Variants in CHST8 observed in about 807,000 individuals in gnomAD.
CHST8 encodes GALNAC-4-ST1.
In CHST8, 10 loss-of-function variants were observed where a neutral mutation model predicts 15.0. That is an observed-to-expected ratio of 0.67 (90% CI 0.41 to 1.13). CHST8 has a LOEUF of 1.13. CHST8 is among the 50% of genes most tolerant of loss of function. The probability of loss-of-function intolerance (pLI) is 0.00; values close to 1 mark genes in which losing one functional copy is unlikely to be tolerated. For synonymous variants in CHST8, 259 were observed against 256.6 expected (o/e 1.01, Z -0.09); for missense variants, 634 against 608.2 (o/e 1.04, Z -0.45).
chr19:33,765,513 T>TGTGTGTG (rs1974816215), intron 3 of CHST8, among the ~76,000 whole-genome samples: 4 of 131,608 alleles, frequency 3.0e-5, no homozygotes, highest in African/African-American at 1.2e-4. Context: ...ATGCCAGTCT[T>TGTGTGTG]TGTGTGTGTG....
intron 2 of CHST8, among the ~76,000 whole-genome samples, chr19:33,681,436 CAGGGATAACTGTTCCTTCCTAG>C (rs1287909147): frequency 6.6e-6 from 1 of 152,198 alleles, no homozygotes; most frequent in Non-Finnish European, 1.5e-5. Context: ...ATCCCAGGAA[CAGGGATAACTGTTCCTTCCTAG>C]AGTGTAGAAC....
chr19:33,723,043 G>A (rs765965946), intron 3 of CHST8, among the ~76,000 whole-genome samples: 1 of 152,188 alleles, frequency 6.6e-6, no homozygotes, highest in Non-Finnish European at 1.5e-5. Flanking sequence ...TCCACTTCCT[G>A]CAGAGCCCAG....
At chr19:33,644,881 A>G (rs1218808479) in intron 1 of CHST8, among the ~76,000 whole-genome samples, 2 of 152,178 alleles carry the variant, frequency 1.3e-5, no homozygotes, top group South Asian at 4.1e-4. Flanking sequence ...AGAAGGTGAG[A>G]TGAGATTAGA....
intron 3 of CHST8, among the ~76,000 whole-genome samples, chr19:33,766,446 C>G (rs1246841801): frequency 6.6e-6 from 1 of 152,198 alleles, no homozygotes; most frequent in Non-Finnish European, 1.5e-5. Context: ...CCATCTGTAG[C>G]TCAGCACTGC....
chr19:33,764,306 G>T (rs768852422), intron 3 of CHST8, among the ~76,000 whole-genome samples: 19 of 151,990 alleles, frequency 1.3e-4, no homozygotes, highest in Non-Finnish European at 2.2e-4. Context: ...CAGACGAGCT[G>T]TTTCTTCACC....
At chr19:33,679,884 C>T (rs865819450) in intron 2 of CHST8, among the ~76,000 whole-genome samples, 1 of 152,206 alleles carries the variant, frequency 6.6e-6, no homozygotes, top group Admixed American at 6.5e-5. Flanking sequence ...CTCAACTCCA[C>T]GAGGGGCTGC....
At chr19:33,687,263 G>A (rs1388284970) in intron 2 of CHST8, among the ~76,000 whole-genome samples, 1 of 152,266 alleles carries the variant, frequency 6.6e-6, no homozygotes, top group African/African-American at 2.4e-5. Context: ...TTGCAAGGCA[G>A]TGAACCCCAG....
chr19:33,738,495 A>G (rs1274538108), intron 3 of CHST8, among the ~76,000 whole-genome samples: 3 of 152,258 alleles, frequency 2.0e-5, no homozygotes, highest in Non-Finnish European at 4.4e-5. Flanking sequence ...TTGACTCTAA[A>G]TGAAGCAGAA....
At chr19:33,640,911 C>T (rs961467881) in intron 1 of CHST8, among the ~76,000 whole-genome samples, 3 of 152,100 alleles carry the variant, frequency 2.0e-5, no homozygotes, top group African/African-American at 4.8e-5. Context: ...AGGGGCGCCC[C>T]GGGATGGGAA....
At chr19:33,649,415 G>T (rs534234492) in intron 1 of CHST8, among the ~76,000 whole-genome samples, 31 of 152,092 alleles carry the variant, frequency 2.0e-4, no homozygotes, top group Non-Finnish European at 4.1e-4. Context: ...CTTAAGAAGG[G>T]GTTCACAACC....
At chr19:33,631,145 C>G (rs1972116475) in intron 1 of CHST8, among the ~76,000 whole-genome samples, 2 of 152,366 alleles carry the variant, frequency 1.3e-5, no homozygotes, top group South Asian at 4.1e-4. Flanking sequence ...TGTGATTCAG[C>G]AATCTGCCCA....
chr19:33,762,062 G>T (rs1042136094), intron 3 of CHST8, among the ~76,000 whole-genome samples: 1 of 152,224 alleles, frequency 6.6e-6, no homozygotes, highest in Non-Finnish European at 1.5e-5. Context: ...GGCATGCCTG[G>T]TGTGACAGAC....
chr19:33,682,504 C>G (rs1484549404), intron 2 of CHST8, among the ~76,000 whole-genome samples: 1 of 152,208 alleles, frequency 6.6e-6, no homozygotes, highest in Non-Finnish European at 1.5e-5. Flanking sequence ...CTATCCATCT[C>G]CAGAACCTTT....
chr19:33,709,223 G>A (rs78626308), intron 3 of CHST8, among the ~76,000 whole-genome samples: 4 of 152,100 alleles, frequency 2.6e-5, no homozygotes, highest in Non-Finnish European at 5.9e-5. Context: ...TTTCCTGCCT[G>A]ATTCAACTGA....
chr19:33,730,551 A>G (rs1475435870), intron 3 of CHST8, among the ~76,000 whole-genome samples: 1 of 152,226 alleles, frequency 6.6e-6, no homozygotes, highest in Non-Finnish European at 1.5e-5. Flanking sequence ...TGGATGTGTT[A>G]CTGGAAAGGG....
chr19:33,672,753 G>A (rs980966836), intron 2 of CHST8, among the ~76,000 whole-genome samples: 10 of 152,202 alleles, frequency 6.6e-5, no homozygotes, highest in African/African-American at 2.4e-4. Flanking sequence ...GCCAGCTTCC[G>A]AGAGCAGGAC....
At chr19:33,726,404 T>A (rs1463118828) in intron 3 of CHST8, among the ~76,000 whole-genome samples, 1 of 152,032 alleles carries the variant, frequency 6.6e-6, no homozygotes, top group Non-Finnish European at 1.5e-5. Flanking sequence ...CTACCCATAA[T>A]ACAAAAATTA....
At chr19:33,652,600 T>A (rs1378078146) in intron 1 of CHST8, among the ~76,000 whole-genome samples, 1 of 152,110 alleles carries the variant, frequency 6.6e-6, no homozygotes, top group Admixed American at 6.6e-5. Flanking sequence ...GGTCTCGAAC[T>A]TCTGACCTCA....
intron 2 of CHST8, among the ~76,000 whole-genome samples, chr19:33,680,395 G>A (rs558040703): frequency 2.0e-5 from 3 of 152,300 alleles, no homozygotes; most frequent in African/African-American, 7.2e-5. Context: ...AAGGCAAGTG[G>A]CCCTGAAAAT....
Sources: allele counts gnomAD v4.1 joint callset (sites outside exome capture counted in the v4.1 genomes callset), GRCh38; gene constraint gnomAD v4.1.1; transcripts MANE v1.5; gene names NCBI Gene and HGNC (gene_info 2026-07-23, HGNC 2026-07-21).